API5: variants seen among roughly 807,000 people sequenced by gnomAD.
API5 encodes apoptosis inhibitor 5.
API5 carries 6 observed loss-of-function variants against 71.9 expected under a neutral mutation model. That is an observed-to-expected ratio of 0.08 (90% CI 0.05 to 0.16). The LOEUF (loss-of-function observed/expected upper bound fraction) is 0.16, where lower values mean the gene tolerates loss of function less well. Ranked by LOEUF, API5 falls within the 10% of genes least tolerant of loss-of-function variation. API5 has a pLI of 1.00. For synonymous variants in API5, 189 were observed against 221.3 expected, an observed-to-expected ratio of 0.85 and a Z score of 1.30; for missense variants, 332 against 612.8, an observed-to-expected ratio of 0.54 and a Z score of 4.84.
Position 43,326,579 on chromosome 11 carries a change from A to C in API5, c.823A>C (p.Thr275Pro). The change falls in exon 7 of 14, where the codon ACC (threonine) becomes CCC (proline). Residue 275 changes from threonine (T) to proline (P), a missense_variant. Physicochemically the swap from Thr to Pro is conservative, Grantham distance 38. This residue lies in a region of API5 where 168 missense variants were observed against 343.9 expected (regional missense o/e 0.49). Transcript: ENST00000531273. ...QVLPNLGTLT[T>P]PVEGLDIQLE... ...TCTCCCTAACCTCGGTACCTTGACT[A>C]CCCCAGTGGAAGGTCTTGATATACA... The C allele has an allele frequency of 6.2e-7, 1 of 1,609,356 alleles. No homozygotes were observed. Among genetic ancestry groups the C allele is most frequent in the Non-Finnish European group, 8.5e-7 (1 of 1,177,384 alleles).
intron 8 of API5, among the ~76,000 whole-genome samples, chr11:43,328,085 C>T (rs1346008145): frequency 6.6e-6 from 1 of 152,138 alleles, no homozygotes; most frequent in East Asian, 1.9e-4. Context: ...AATAGGCCAT[C>T]TGATAAAATC....
rs183347448 is a variant in API5 at position 43,315,523 on chromosome 11, C to T, written c.70-3117C>T. ...ACCATTTACAAAAGAAAAGAAAAACCATTTACACAGATTATCTCTAATGGA... is the reference window on the plus strand; with the variant it reads ...ACCATTTACAAAAGAAAAGAAAAACTATTTACACAGATTATCTCTAATGGA... On this transcript the variant is annotated intron_variant, in intron 1 of 13. Transcript: ENST00000531273. Among the ~76,000 whole-genome samples the T allele has an allele frequency of 4.9e-4, 74 of 152,102 alleles. 1 individual carries two copies. Among genetic ancestry groups the T allele is most frequent in the African/African-American group, 1.7e-3 (70 of 41,468 alleles).
At chr11:43,340,917 A>G (rs188471077) in intron 13 of API5, among the ~76,000 whole-genome samples, 1 of 152,336 alleles carries the variant, frequency 6.6e-6, no homozygotes, top group African/African-American at 2.4e-5. Flanking sequence ...AGCACAGGCA[A>G]CAAAAACATG....
intron 11 of API5, chr11:43,331,434 A>C (rs1244800056): frequency 6.4e-6 from 1 of 155,798 alleles, no homozygotes; most frequent in Non-Finnish European, 1.4e-5. Flanking sequence ...GTTAATTAAC[A>C]CATTTTTTAT....
At chr11:43,328,289 A>G (rs547516611) in intron 8 of API5, among the ~76,000 whole-genome samples, 92 of 152,342 alleles carry the variant, frequency 6.0e-4, no homozygotes, top group Admixed American at 1.8e-3. Flanking sequence ...GTACTTAAAC[A>G]ATATGGACTT....
intron 8 of API5, 77 bp from the exon 9 acceptor site, chr11:43,328,635 C>T: frequency 1.5e-6 from 2 of 1,330,656 alleles, no homozygotes; most frequent in South Asian, 1.4e-5. Context: ...AAAACATGCA[C>T]TGTAATTCCC....
chr11:43,326,738 C>CT, intron 7 of API5, 127 bp downstream of exon 7: 2 of 584,394 alleles, frequency 3.4e-6, no homozygotes, highest in East Asian at 5.4e-5. Flanking sequence ...AGCCAGTAAT[C>CT]TCCCTAGACC....
chr11:43,323,363 C>T, intron 5 of API5, 67 bp from the exon 6 acceptor site: 3 of 1,336,456 alleles, frequency 2.2e-6, no homozygotes, highest in Non-Finnish European at 2.1e-6. Context: ...TAGCTATTCT[C>T]TTTCAGTGTT....
At chr11:43,340,243 C>T in intron 13 of API5, 1 of 352,514 alleles carries the variant, frequency 2.8e-6, no homozygotes, top group South Asian at 2.2e-5. Context: ...TATTTCTATA[C>T]AAGGAAAACT....
intron 8 of API5, 127 bp downstream of exon 8, chr11:43,328,005 G>A: frequency 1.9e-6 from 1 of 524,860 alleles, no homozygotes; most frequent in East Asian, 3.3e-5. Context: ...AATAAGTATT[G>A]TTAGCTTCCT....
Position 43,344,522 on chromosome 11 carries a change from G to A in API5, c.*2012G>A, listed in dbSNP as rs1260358641. The A allele has an allele frequency of 6.6e-6, 1 of 152,358 alleles. No individual in the cohort carries two copies. Among genetic ancestry groups the A allele is most frequent in the Admixed American group, 6.6e-5 (1 of 15,250 alleles). The allele number at this position is 152,358 out of a possible 1,614,324, so 9.4% of individuals were successfully genotyped here. A position where few individuals can be genotyped will look rare whatever the true frequency, so the allele number is the denominator to read the frequency against. ...ATGCTTTTGAAATAAATTTCCTTTT[G>A]TAATTTTGTTTTGTGTCTTGATGTG... On this transcript the variant is annotated 3_prime_UTR_variant, in exon 14 of 14. Coordinates refer to ENST00000531273, the MANE Select transcript of API5 (RefSeq NM_001142930.2).
At chr11:43,328,247 GC>G (rs1182985783) in intron 8 of API5, among the ~76,000 whole-genome samples, 1 of 152,190 alleles carries the variant, frequency 6.6e-6, no homozygotes, top group Non-Finnish European at 1.5e-5. Context: ...GATACTGAAT[GC>G]CATTGGCAGT....
chr11:43,329,880 G>A (rs1303711115), intron 9 of API5, 85 bp from the exon 10 acceptor site: 2 of 1,085,798 alleles, frequency 1.8e-6, no homozygotes, highest in Non-Finnish European at 2.8e-6. Context: ...TCTGCACTTA[G>A]GATCATTTTG....
intron 1 of API5, among the ~76,000 whole-genome samples, chr11:43,314,101 A>T (rs74591612): frequency 2.2e-4 from 31 of 143,880 alleles, no homozygotes; most frequent in Non-Finnish European, 2.9e-4. Context: ...ACAAAAAATT[A>T]AAAAAAAAAA....
chr11:43,332,400 T>C (rs1172439434), intron 11 of API5, among the ~76,000 whole-genome samples: 1 of 152,154 alleles, frequency 6.6e-6, no homozygotes, highest in East Asian at 1.9e-4. Context: ...TTACCCATGC[T>C]TCTGATTGGC....
At chr11:43,313,324 G>T (rs1217115910) in intron 1 of API5, among the ~76,000 whole-genome samples, 2 of 152,114 alleles carry the variant, frequency 1.3e-5, no homozygotes, top group Non-Finnish European at 2.9e-5. Context: ...GAGTTTTCAA[G>T]TACTGGAGTA....
At chr11:43,325,120 A>C (rs1855025774) in intron 6 of API5, among the ~76,000 whole-genome samples, 2 of 152,114 alleles carry the variant, frequency 1.3e-5, no homozygotes, top group African/African-American at 2.4e-5. Flanking sequence ...AAAAAAAAAA[A>C]CTACGCATGG....
intron 13 of API5, among the ~76,000 whole-genome samples, chr11:43,341,918 G>T (rs1855629019): frequency 6.6e-6 from 1 of 151,994 alleles, no homozygotes; most frequent in Admixed American, 6.6e-5. Flanking sequence ...CAGCACTGAG[G>T]CAGGACGATC....
chr11:43,317,312 A>G (rs1273689359), intron 1 of API5, among the ~76,000 whole-genome samples: 1 of 152,162 alleles, frequency 6.6e-6, no homozygotes. Context: ...GTTTGGAGGC[A>G]AGTACTTAAG....
Sources: allele counts gnomAD v4.1 joint callset (sites outside exome capture counted in the v4.1 genomes callset), GRCh38; gene constraint gnomAD v4.1.1; regional missense constraint gnomAD v4.1.1; transcripts MANE v1.5; gene names NCBI Gene and HGNC (gene_info 2026-07-23, HGNC 2026-07-21).